Variants in EEA1 observed in about 807,000 individuals in gnomAD.
The protein encoded by EEA1 is early endosome antigen 1, also known as early endosome antigen 1, 162kD.
In EEA1, 111 loss-of-function variants were observed where a neutral mutation model predicts 209.2. The ratio of observed to expected loss-of-function variants is 0.53; its 90% CI spans 0.45 to 0.62. EEA1 has a LOEUF of 0.62. Ranked by LOEUF, EEA1 falls within the 20% of genes least tolerant of loss-of-function variation. The pLI is 0.00. For missense variants in EEA1, 1,343 were observed against 1,530.8 expected (o/e 0.88, Z 2.05); for synonymous variants, 536 against 540.6 (o/e 0.99, Z 0.12).
At chr12:92,789,325 G>T (rs563383556) in intron 21 of EEA1, among the ~76,000 whole-genome samples, 40 of 149,706 alleles carry the variant, frequency 2.7e-4, no homozygotes, top group Admixed American at 4.7e-4. Context: ...AAAAGAGAAA[G>T]AAAAGAAAAG....
rs147410454 is a variant in EEA1 at position 92,826,207 on chromosome 12, C to T, written c.1483G>A (p.Ala495Thr). 5 of 1,613,380 alleles carry T rather than the reference C, an allele frequency of 3.1e-6. No individual in the cohort carries two copies. Among genetic ancestry groups the T allele is most frequent in the African/African-American group, 1.3e-5 (1 of 74,872 alleles). Residue 495 changes from alanine to threonine, a missense_variant, in exon 13 of 29, where the codon GCT becomes ACT. By Grantham distance (58) the Ala-to-Thr change is moderately conservative. Transcript: ENST00000322349. ...KTKQQHQEQQALQQSTTAKLR... is the reference protein window; with the variant it reads ...KTKQQHQEQQTLQQSTTAKLR... ...TTTGCCGTGGTGCTTTGCTGAAGAG[C>T]CTGTTGTTCTTGATGCTGTTGCTTT... is the stretch of plus-strand genomic sequence containing the variant.
intron 21 of EEA1, among the ~76,000 whole-genome samples, chr12:92,794,749 G>A (rs911204158): frequency 6.7e-6 from 1 of 150,362 alleles, no homozygotes; most frequent in Non-Finnish European, 1.5e-5. Context: ...GGGGCTGGGG[G>A]AGGGATATCA....
intron 22 of EEA1, among the ~76,000 whole-genome samples, chr12:92,786,781 C>A (rs1361904291): frequency 1.3e-5 from 2 of 152,158 alleles, no homozygotes; most frequent in African/African-American, 4.8e-5. Context: ...TCATTTTACT[C>A]CTCTATTTAG....
chr12:92,880,465 T>C lies in EEA1; in HGVS notation c.117+11164A>G, dbSNP rs954275047. 4.6e-5 allele frequency among the ~76,000 whole-genome samples: 7 copies of C among 151,990 alleles called. No homozygotes were observed. The East Asian group carries it at 7.7e-4, about 17-fold the overall frequency. On this transcript the variant is annotated intron_variant, in intron 2 of 28. Coordinates refer to ENST00000322349, the MANE Select transcript of EEA1 (RefSeq NM_003566.4). The stretch of plus-strand genomic sequence containing the variant: ...GATTACACGCACACGCCACAGTGCC[T>C]GGCTAATTTTTTTTGTTGTTGTTGG...
Position 92,929,255 on chromosome 12 carries a change from G to A in EEA1, c.-189C>T. On this transcript the variant is annotated 5_prime_UTR_variant, in exon 1 of 29. Transcript: ENST00000322349. ...ACAGGCGGCGAGAGGGAGCACGCGA[G>A]AGAGAGCGAGCGAACGACTAGGCAG... 2 of 441,760 alleles carry A rather than the reference G, an allele frequency of 4.5e-6. No individual in the cohort carries two copies. Among genetic ancestry groups the A allele is most frequent in the Non-Finnish European group, 7.9e-6 (2 of 253,104 alleles). 27.4% of individuals were successfully genotyped at this position (441,760 alleles called of 1,614,324 possible).
chr12:92,797,886 T>C (rs1437925067), intron 21 of EEA1, among the ~76,000 whole-genome samples: 1 of 152,222 alleles, frequency 6.6e-6, no homozygotes, highest in Non-Finnish European at 1.5e-5. Flanking sequence ...TTTTAATTTA[T>C]ATACTTTGTA....
chr12:92,876,993 GT>G (rs1878925423), intron 2 of EEA1, among the ~76,000 whole-genome samples: 2 of 150,484 alleles, frequency 1.3e-5, no homozygotes, highest in Admixed American at 1.3e-4. Flanking sequence ...ACCTAGACTG[GT>G]GTGCAGTGGC....
At chr12:92,793,116 T>A (rs1445770035) in intron 21 of EEA1, among the ~76,000 whole-genome samples, 1 of 152,060 alleles carries the variant, frequency 6.6e-6, no homozygotes, top group Non-Finnish European at 1.5e-5. Context: ...AACTAGATAT[T>A]GAGGGAACGT....
At chr12:92,806,767 C>A (rs529718603) in intron 18 of EEA1, among the ~76,000 whole-genome samples, 1 of 151,988 alleles carries the variant, frequency 6.6e-6, no homozygotes, top group South Asian at 2.1e-4. Flanking sequence ...AAAGGTAATA[C>A]AGCATGGTCA....
At chr12:92,813,651 C>T (rs1875640255) in intron 15 of EEA1, among the ~76,000 whole-genome samples, 1 of 152,270 alleles carries the variant, frequency 6.6e-6, no homozygotes, top group Admixed American at 6.5e-5. Flanking sequence ...GCAAAAAGAT[C>T]TATCTTGTTA....
chr12:92,845,813 C>T (rs1407415857), intron 9 of EEA1, among the ~76,000 whole-genome samples: 1 of 152,080 alleles, frequency 6.6e-6, no homozygotes, highest in African/African-American at 2.4e-5. Flanking sequence ...GTATTTTAAT[C>T]CCCACACCTA....
chr12:92,789,082 G>A (rs1378243269), intron 21 of EEA1, among the ~76,000 whole-genome samples: 1 of 151,958 alleles, frequency 6.6e-6, no homozygotes, highest in Non-Finnish European at 1.5e-5. Context: ...CTGAGGTCAG[G>A]AGTTCGAGAC....
At chr12:92,795,379 C>T (rs989518883) in intron 21 of EEA1, among the ~76,000 whole-genome samples, 4 of 152,178 alleles carry the variant, frequency 2.6e-5, no homozygotes, top group African/African-American at 7.2e-5. Context: ...TCTCTACGCA[C>T]TAAAGTATAA....
intron 18 of EEA1, among the ~76,000 whole-genome samples, chr12:92,805,159 C>T (rs1427802539): frequency 3.3e-5 from 5 of 152,228 alleles, no homozygotes; most frequent in African/African-American, 9.6e-5. Flanking sequence ...GGACTGATGC[C>T]TGCATTCTAG....
chr12:92,921,058 C>G (rs1880968388), intron 1 of EEA1, among the ~76,000 whole-genome samples: 1 of 152,182 alleles, frequency 6.6e-6, no homozygotes, highest in Non-Finnish European at 1.5e-5. Flanking sequence ...GATACCATCT[C>G]ACACCAGTTA....
intron 28 of EEA1, 62 bp from the exon 29 acceptor site, chr12:92,776,195 C>G: frequency 6.7e-7 from 1 of 1,486,684 alleles, no homozygotes; most frequent in Non-Finnish European, 9.1e-7. Flanking sequence ...TATTATGAAA[C>G]TACATGAATA....
rs1875956489 is a variant in EEA1, at chr12:92,819,642, C to T, written c.1525-131G>A. Reference sequence around the variant, plus strand: ...TACATTTTTTAAAACTATTACATTTCAATATGGTAAATTTAGTTAAGTACT... The same window carrying T: ...TACATTTTTTAAAACTATTACATTTTAATATGGTAAATTTAGTTAAGTACT... On this transcript the variant is annotated intron_variant, in intron 13 of 28. Coordinates refer to ENST00000322349, the MANE Select transcript of EEA1 (RefSeq NM_003566.4). The T allele has an allele frequency of 1.1e-5, 6 of 566,448 alleles. No homozygotes were observed. The East Asian group carries it at 1.5e-4, about 15-fold the overall frequency. The allele number at this position is 566,448 out of a possible 1,614,324, so 35.1% of individuals were successfully genotyped here.
rs1565813906 is a variant in EEA1 at position 92,802,391 on chromosome 12, G to A, written c.2670+13C>T. On this transcript the variant is annotated intron_variant, in intron 19 of 28. Transcript: ENST00000322349. ...ATCACTTCTACCTAAGAAAGTAAAT[G>A]TAAACTACTAACCAAGTCTAATATA... is the stretch of plus-strand genomic sequence containing the variant. The A allele has an allele frequency of 1.3e-6, 2 of 1,545,834 alleles. No individual in the cohort carries two copies. The highest frequency in any genetic ancestry group is 8.6e-7 in the Non-Finnish European group (1 of 1,157,068).
intron 10 of EEA1, among the ~76,000 whole-genome samples, chr12:92,839,256 A>T (rs2136699030): frequency 6.6e-6 from 1 of 152,338 alleles, no homozygotes; most frequent in East Asian, 1.9e-4. Context: ...ATCTTATAAA[A>T]TCACGCACAG....
Sources: gnomAD v4.1 joint callset for allele counts (sites outside exome capture counted in the v4.1 genomes callset) on GRCh38, gnomAD v4.1.1 for gene constraint, MANE v1.5 for transcripts, NCBI Gene and HGNC (gene_info 2026-07-23, HGNC 2026-07-21) for gene names.